The following GALNT9 variants were observed in gnomAD, a reference collection of about 807,000 sequenced individuals.
GALNT9 encodes the protein GalNAc transferase 9.
GALNT9 carries 47 observed loss-of-function variants against 63.1 expected under a neutral mutation model. The ratio of observed to expected loss-of-function variants is 0.75; its 90% confidence interval spans 0.59 to 0.95. The LOEUF (loss-of-function observed/expected upper bound fraction) is 0.95, where lower values mean the gene tolerates loss of function less well. Ranked by LOEUF, GALNT9 falls within the 40% of genes least tolerant of loss-of-function variation. GALNT9 has a pLI of 0.00. For synonymous variants in GALNT9, 396 were observed against 365.7 expected (o/e 1.08, Z -0.94); for missense variants, 829 against 874.8 (o/e 0.95, Z 0.66).
intron 5 of GALNT9, among the ~76,000 whole-genome samples, chr12:132,255,297 A>G (rs1879068005): frequency 6.6e-6 from 1 of 152,208 alleles, no homozygotes; most frequent in African/African-American, 2.4e-5. Context: ...GCAGGTCCCT[A>G]AAGAAGTTAA....
intron 6 of GALNT9, among the ~76,000 whole-genome samples, chr12:132,221,151 C>T (rs1286789814): frequency 1.2e-4 from 17 of 142,468 alleles, no homozygotes; most frequent in African/African-American, 1.6e-4. Flanking sequence ...GTCAGGAGTT[C>T]GAGACCAGCC....
intron 1 of GALNT9, among the ~76,000 whole-genome samples, chr12:132,324,382 C>T (rs1170459548): frequency 6.6e-6 from 1 of 152,210 alleles, no homozygotes; most frequent in Non-Finnish European, 1.5e-5. Flanking sequence ...TCTGTGAGCT[C>T]CTACCTGGCC....
rs1476046822 is a variant in GALNT9, at chr12:132,316,589, C to A, written c.238+12377G>T. The stretch of plus-strand genomic sequence containing the variant: ...GGTGCGAGGTGCTGCCAGGACCTCC[C>A]GGGTCCTCATCCCTCCTCCTGCCAG... On this transcript the variant is annotated intron_variant, in intron 1 of 10. Coordinates refer to ENST00000328957, the MANE Select transcript of GALNT9 (RefSeq NM_001122636.2). This position sits in a 1 kb window ranked among gnomAD's most constrained non-coding sequence, Gnocchi z 4.3. 6.6e-6 allele frequency among the ~76,000 whole-genome samples: 1 copy of A among 151,954 alleles called. No homozygotes were observed.
At position 132,315,308 on chromosome 12, in the gene GALNT9, C is replaced by T. The variant is rs1038339664; in HGVS notation, c.238+13658G>A. ...CTCGAGCCTCAGAATATAATCAGGG[C>T]GGCCTCCCCCGTGTCCACTGCAAAG... On this transcript the variant is annotated intron_variant, in intron 1 of 10. Transcript: ENST00000328957. The surrounding 1 kb of genome is among the most constrained non-coding windows in gnomAD (Gnocchi z 6.1). Among the ~76,000 whole-genome samples the T allele has an allele frequency of 4.4e-5, 6 of 136,626 alleles. No individual in the cohort carries two copies. The highest frequency in any genetic ancestry group is 7.6e-5 in the Non-Finnish European group (5 of 65,372). The allele number at this position is 136,626 out of a possible 152,430, so 89.6% of individuals were successfully genotyped here.
At chr12:132,224,752 C>CCACACCCCACACTGTA (rs1322227351) in intron 6 of GALNT9, among the ~76,000 whole-genome samples, 1 of 143,666 alleles carries the variant, frequency 7.0e-6, no homozygotes, top group South Asian at 2.3e-4. Flanking sequence ...CACACCCCTC[C>CCACACCCCACACTGTA]CACACCCCAC....
Position 132,286,250 on chromosome 12 carries a change from T to C in GALNT9, c.419A>G (p.Lys140Arg). ...DRSIPDYRPR[K>R]CRQMSYAQDL... ...GGATGGGGGGCAGTCACTCACTCAC[T>C]TTCTGGGCCGGTAGTCGGGGATGCT... The change falls in exon 2 of 11, where the codon AAG (lysine) becomes AGG (arginine). Residue 140 changes from lysine to arginine, a missense_variant and splice_region_variant. Coordinates refer to ENST00000328957, the MANE Select transcript of GALNT9 (RefSeq NM_001122636.2). This position sits in a 1 kb window ranked among gnomAD's most constrained non-coding sequence, Gnocchi z 7.4. 6.5e-7 allele frequency: 1 copy of C among 1,549,814 alleles called. No homozygotes were observed. Among genetic ancestry groups the C allele is most frequent in the Non-Finnish European group, 8.7e-7 (1 of 1,146,038 alleles).
At chr12:132,285,310 G>A (rs1191552968) in intron 2 of GALNT9, among the ~76,000 whole-genome samples, 8 of 152,398 alleles carry the variant, frequency 5.2e-5, no homozygotes, top group Middle Eastern at 3.4e-3. Context: ...GCATCCTGTC[G>A]CGGGCTGGGC....
In GALNT9 at chr12:132,204,912, G is replaced by A. The variant is rs113358481; in HGVS notation, c.1078-1222C>T. The stretch of plus-strand genomic sequence containing the variant: ...TGGACGAGTGTGCCAGGCCCAGGGC[G>A]GGCACTGTGCTTGCCTCATCTCCTG... On this transcript the variant is annotated intron_variant, in intron 6 of 10. Transcript: ENST00000328957. 1.5e-3 allele frequency among the ~76,000 whole-genome samples: 233 copies of A among 152,198 alleles called. 1 individual carries two copies. Among genetic ancestry groups the A allele is most frequent in the African/African-American group, 5.3e-3 (220 of 41,524 alleles).
At chr12:132,223,073 TACACCCCACACAC>T in intron 6 of GALNT9, among the ~76,000 whole-genome samples, 1 of 40,908 alleles carries the variant, frequency 2.4e-5, no homozygotes, top group South Asian at 8.9e-4. Flanking sequence ...ACACCCCACA[TACACCCCACACAC>T]ACACCCCACA....
chr12:132,300,350 T>C (rs868990364), intron 1 of GALNT9, among the ~76,000 whole-genome samples: 389 of 71,278 alleles, frequency 5.5e-3, no homozygotes, highest in Middle Eastern at 0.016. Flanking sequence ...TCCCACCACA[T>C]CTAACCCATC....
At chr12:132,198,348 A>G (rs1355632602) in intron 9 of GALNT9, among the ~76,000 whole-genome samples, 1 of 152,106 alleles carries the variant, frequency 6.6e-6, no homozygotes, top group Admixed American at 6.5e-5. Flanking sequence ...GGGGTTAGAA[A>G]CGTCCAGCTC....
intron 5 of GALNT9, among the ~76,000 whole-genome samples, chr12:132,257,227 T>G (rs1485789807): frequency 1.3e-5 from 2 of 152,244 alleles, no homozygotes; most frequent in Non-Finnish European, 2.9e-5. Flanking sequence ...ATCAAGTGCA[T>G]TTTGAATGAA....
chr12:132,197,846 C>A lies in GALNT9; in HGVS notation c.1611G>T (p.Leu537=). The change falls in exon 10 of 11, where the codon CTG becomes CTT. Residue 537 remains leucine, a synonymous_variant. Transcript: ENST00000328957. ...GCCGCGCCACATCCTCACACTTCTT[C>A]AGGGTGGGCATGCGGCCCGTGCCGT... ...VDDGTGRMPT[L]KKCEDVARPT... is the part of the protein sequence containing the mutation. 1 of 1,603,800 alleles carries A rather than the reference C, an allele frequency of 6.2e-7. No individual in the cohort carries two copies. The highest frequency in any genetic ancestry group is 8.5e-7 in the Non-Finnish European group (1 of 1,175,962).
intron 1 of GALNT9, among the ~76,000 whole-genome samples, chr12:132,313,020 G>C (rs894874249): frequency 1.3e-5 from 2 of 151,986 alleles, no homozygotes; most frequent in African/African-American, 2.4e-5. Context: ...ACTCTATAGA[G>C]TCTCCTACTA....
chr12:132,287,827 A>G (rs1006166724), intron 1 of GALNT9, among the ~76,000 whole-genome samples: 4 of 151,908 alleles, frequency 2.6e-5, no homozygotes, highest in African/African-American at 9.7e-5. Flanking sequence ...TGCTGTTCCC[A>G]GGGGGACGGG....
chr12:132,239,209 GAC>G (rs1878116624), intron 6 of GALNT9, among the ~76,000 whole-genome samples: 2 of 151,880 alleles, frequency 1.3e-5, no homozygotes, highest in Non-Finnish European at 2.9e-5. Context: ...CAGAGAGAGA[GAC>G]AGAGAGACAC....
chr12:132,253,255 G>A (rs1223744619), intron 5 of GALNT9, among the ~76,000 whole-genome samples: 1 of 152,100 alleles, frequency 6.6e-6, no homozygotes, highest in African/African-American at 2.4e-5. Context: ...TAGGCCTCCG[G>A]ATGACTGCGG....
intron 6 of GALNT9, among the ~76,000 whole-genome samples, chr12:132,226,036 TACACACTATACAC>T (rs1877666202): frequency 1.0e-5 from 1 of 96,742 alleles, no homozygotes; most frequent in Non-Finnish European, 1.9e-5. Flanking sequence ...ATACACCCCA[TACACACTATACAC>T]ACACCCCACA....
At chr12:132,307,921 C>T (rs994461736) in intron 1 of GALNT9, among the ~76,000 whole-genome samples, 25 of 150,070 alleles carry the variant, frequency 1.7e-4, no homozygotes, top group Non-Finnish European at 5.9e-5. Flanking sequence ...CTGTAATCCC[C>T]GCACACTGGG....
Sources: gnomAD v4.1 joint callset for allele counts (sites outside exome capture counted in the v4.1 genomes callset) on GRCh38, gnomAD v4.1.1 for gene constraint, Gnocchi (gnomAD v3.1) non-coding constraint, MANE v1.5 for transcripts, NCBI Gene and HGNC (gene_info 2026-07-23, HGNC 2026-07-21) for gene names.